The following LRRTM4 variants were observed in gnomAD, a reference collection of about 807,000 sequenced individuals.
The protein encoded by LRRTM4 is leucine rich repeat transmembrane neuronal 4, also known as leucine-rich repeat transmembrane neuronal protein 4.
Under a neutral mutation model 47.6 loss-of-function variants are expected in LRRTM4, and 25 were observed. That is an observed-to-expected ratio of 0.53 (90% confidence interval 0.38 to 0.73). LRRTM4 has a LOEUF of 0.73. LRRTM4 is among the 30% of genes least tolerant of loss of function. LRRTM4 has a pLI of 0.00. For missense variants in LRRTM4, 638 were observed against 713.4 expected (o/e 0.89, Z 1.20); for synonymous variants, 311 against 269.5 (o/e 1.15, Z -1.51).
At chr2:76,779,182 T>A (rs1306998350) in intron 3 of LRRTM4, among the ~76,000 whole-genome samples, 1 of 152,108 alleles carries the variant, frequency 6.6e-6, no homozygotes, top group African/African-American at 2.4e-5. Context: ...TACTTCCAAG[T>A]ATGTGGTCAT....
chr2:76,945,160 G>A (rs1319944157), intron 3 of LRRTM4, among the ~76,000 whole-genome samples: 1 of 152,058 alleles, frequency 6.6e-6, no homozygotes, highest in Admixed American at 6.5e-5. Context: ...CTTACCAAGT[G>A]TAATTATTTA....
intron 3 of LRRTM4, among the ~76,000 whole-genome samples, chr2:77,409,925 T>C (rs1674354264): frequency 6.6e-6 from 1 of 152,054 alleles, no homozygotes; most frequent in South Asian, 2.1e-4. Flanking sequence ...AGAAAACATC[T>C]CCCAACAAGT....
At chr2:77,467,959 C>T (rs1040624696) in intron 3 of LRRTM4, among the ~76,000 whole-genome samples, 1 of 152,022 alleles carries the variant, frequency 6.6e-6, no homozygotes, top group Non-Finnish European at 1.5e-5. Flanking sequence ...AAAAGAGGTA[C>T]TTATATAGTT....
At chr2:77,090,042 C>T (rs1680882470) in intron 3 of LRRTM4, among the ~76,000 whole-genome samples, 1 of 152,086 alleles carries the variant, frequency 6.6e-6, no homozygotes, top group Non-Finnish European at 1.5e-5. Flanking sequence ...CCTGACCTCT[C>T]CCTTGCTCCC....
intron 3 of LRRTM4, among the ~76,000 whole-genome samples, chr2:77,380,270 G>C (rs1672999552): frequency 1.3e-5 from 2 of 152,014 alleles, no homozygotes; most frequent in South Asian, 4.1e-4. Flanking sequence ...CAAGGTTTTA[G>C]GTAAATGGAA....
At chr2:77,448,092 T>A (rs13396790) in intron 3 of LRRTM4, among the ~76,000 whole-genome samples, 6,333 of 152,290 alleles carry the variant, frequency 0.042, 143 homozygotes, top group Non-Finnish European at 0.059. Context: ...TTTTCCTTAA[T>A]CATTCTCTAA....
chr2:77,011,548 T>C (rs868368949), intron 3 of LRRTM4, among the ~76,000 whole-genome samples: 3,912 of 149,768 alleles, frequency 0.026, 186 homozygotes, highest in African/African-American at 0.089. Context: ...TGTGTGTGTG[T>C]GTGTGTGTGT....
intron 3 of LRRTM4, among the ~76,000 whole-genome samples, chr2:77,053,986 C>G (rs865905739): frequency 5.3e-5 from 8 of 152,112 alleles, no homozygotes; most frequent in Middle Eastern, 3.4e-3. Context: ...AAAAAAAAAG[C>G]TTTCAGTGAA....
chr2:76,782,485 C>G (rs186399410), intron 3 of LRRTM4, among the ~76,000 whole-genome samples: 1 of 152,170 alleles, frequency 6.6e-6, no homozygotes, highest in African/African-American at 2.4e-5. Context: ...AACACTTGAG[C>G]TCACTGCAAT....
chr2:76,973,245 T>C (rs1490701777), intron 3 of LRRTM4, among the ~76,000 whole-genome samples: 1 of 152,024 alleles, frequency 6.6e-6, no homozygotes, highest in Non-Finnish European at 1.5e-5. Flanking sequence ...TTGAAAGCAG[T>C]AATTACACAG....
chr2:76,956,987 TAAC>T (rs1675696679), intron 3 of LRRTM4, among the ~76,000 whole-genome samples: 1 of 151,656 alleles, frequency 6.6e-6, no homozygotes, highest in Non-Finnish European at 1.5e-5. Flanking sequence ...ACAGCATTAC[TAAC>T]AATAAACAAG....
intron 3 of LRRTM4, among the ~76,000 whole-genome samples, chr2:77,168,744 A>C (rs531107409): frequency 6.6e-6 from 1 of 151,998 alleles, no homozygotes; most frequent in East Asian, 1.9e-4. Context: ...CTACTCTCTA[A>C]CTCCATGTGG....
In LRRTM4 at chr2:77,519,958, A is replaced by G. The variant is rs553989556; in HGVS notation, c.5-94T>C. On this transcript the variant is annotated intron_variant, in intron 2 of 3. Transcript: ENST00000409884. This position sits in a 1 kb window ranked among gnomAD's most constrained non-coding sequence, Gnocchi z 4.6. ...ACAACAGGGGCATTTCCTCTAGTGT[A>G]GGAATGGGACAGTTGATTTAAGGAA... 145 of 1,452,950 alleles carry G rather than the reference A, an allele frequency of 1.0e-4. No individual in the cohort carries two copies. The highest frequency in any genetic ancestry group is 1.2e-4 in the Non-Finnish European group (138 of 1,104,946). The allele number at this position is 1,452,950 out of a possible 1,614,324, so 90.0% of individuals were successfully genotyped here.
chr2:76,986,360 C>G (rs1423394856), intron 3 of LRRTM4, among the ~76,000 whole-genome samples: 2 of 150,398 alleles, frequency 1.3e-5, no homozygotes, highest in Admixed American at 1.3e-4. Context: ...CAAAAATATA[C>G]TAGAGAGATT....
At chr2:77,270,521 T>C (rs762235907) in intron 3 of LRRTM4, among the ~76,000 whole-genome samples, 2 of 152,214 alleles carry the variant, frequency 1.3e-5, no homozygotes, top group Non-Finnish European at 2.9e-5. Context: ...TAGGGTATTT[T>C]CTAGGAGAAA....
At chr2:76,917,768 T>C (rs1674303909) in intron 3 of LRRTM4, among the ~76,000 whole-genome samples, 2 of 152,158 alleles carry the variant, frequency 1.3e-5, no homozygotes, top group South Asian at 2.1e-4. Context: ...CCCCACTCTT[T>C]TGTCCCTGAT....
chr2:77,343,412 G>C (rs914945448), intron 3 of LRRTM4, among the ~76,000 whole-genome samples: 16 of 151,740 alleles, frequency 1.1e-4, no homozygotes, highest in African/African-American at 3.4e-4. Context: ...TTAATTTTTG[G>C]ATTTTATTTT....
intron 3 of LRRTM4, among the ~76,000 whole-genome samples, chr2:77,296,802 A>C (rs1676986420): frequency 6.6e-6 from 1 of 152,202 alleles, no homozygotes; most frequent in South Asian, 2.1e-4. Flanking sequence ...CTTTTCTCAC[A>C]TGAATGTAGA....
chr2:77,363,990 A>C (rs987949104), intron 3 of LRRTM4, among the ~76,000 whole-genome samples: 1 of 152,176 alleles, frequency 6.6e-6, no homozygotes, highest in Non-Finnish European at 1.5e-5. Flanking sequence ...TACCACAGTT[A>C]CGAAATTACT....
Sources: gnomAD v4.1 joint callset for allele counts (sites outside exome capture counted in the v4.1 genomes callset) on GRCh38, gnomAD v4.1.1 for gene constraint, Gnocchi (gnomAD v3.1) non-coding constraint, MANE v1.5 for transcripts, NCBI Gene and HGNC (gene_info 2026-07-23, HGNC 2026-07-21) for gene names.